XKR4: variants seen among roughly 807,000 people sequenced by gnomAD.
The protein encoded by XKR4 is XK related 4.
Under a neutral mutation model 53.9 loss-of-function variants are expected in XKR4, and 12 were observed. The observed-to-expected ratio is 0.22, with a 90% CI of 0.14 to 0.36. XKR4 has a LOEUF of 0.36. XKR4 is among the 10% of genes least tolerant of loss of function. XKR4 has a pLI of 1.00. For synonymous variants in XKR4, 354 were observed against 362.4 expected (o/e 0.98, Z 0.26); for missense variants, 799 against 859.5 (o/e 0.93, Z 0.88).
intron 1 of XKR4, among the ~76,000 whole-genome samples, chr8:55,175,010 C>A (rs1171871395): frequency 6.6e-6 from 1 of 152,142 alleles, no homozygotes; most frequent in African/African-American, 2.4e-5. Context: ...GAAAGGAATT[C>A]CACTGGTAGA....
At chr8:55,523,157 A>AT in intron 2 of XKR4, 124 bp from the exon 3 acceptor site, 1 of 853,554 alleles carries the variant, frequency 1.2e-6, no homozygotes. Flanking sequence ...AAAAAAAAAA[A>AT]AGAAATTAAG....
chr8:55,455,669 G>A (rs1185203861), intron 2 of XKR4, among the ~76,000 whole-genome samples: 4 of 152,204 alleles, frequency 2.6e-5, no homozygotes, highest in Non-Finnish European at 5.9e-5. Flanking sequence ...TACAACCACA[G>A]TAGGATTAGA....
rs559775667 is a variant in XKR4 at position 55,172,571 on chromosome 8, A to G, written c.806+69277A>G. Among the ~76,000 whole-genome samples, 13 of 152,366 alleles carry G rather than the reference A, an allele frequency of 8.5e-5. No homozygotes were observed. The South Asian group carries it at 2.3e-3, about 27-fold the overall frequency. ...TATAGTATAAAACAAAGACAGAGTG[A>G]AAAGCATTTAGAAAAAGAAGCAAAC... On this transcript the variant is annotated intron_variant, in intron 1 of 2. Transcript: ENST00000327381.
At chr8:55,211,457 G>C (rs1047301265) in intron 1 of XKR4, among the ~76,000 whole-genome samples, 26 of 152,164 alleles carry the variant, frequency 1.7e-4, no homozygotes, top group African/African-American at 6.0e-4. Flanking sequence ...AATGTCCTAC[G>C]TTAGGAAGGG....
chr8:55,401,331 A>T (rs939956831), intron 2 of XKR4, among the ~76,000 whole-genome samples: 1 of 152,206 alleles, frequency 6.6e-6, no homozygotes, highest in Non-Finnish European at 1.5e-5. Context: ...GGGAGGCATG[A>T]TGGTTATCAT....
chr8:55,185,276 A>G (rs73598852), intron 1 of XKR4, among the ~76,000 whole-genome samples: 9,016 of 152,300 alleles, frequency 0.059, 897 homozygotes, highest in African/African-American at 0.2. Flanking sequence ...TTTTTTCAGT[A>G]TTGATATGTT....
At chr8:55,262,876 C>A (rs1410041691) in intron 1 of XKR4, among the ~76,000 whole-genome samples, 1 of 152,250 alleles carries the variant, frequency 6.6e-6, no homozygotes, top group African/African-American at 2.4e-5. Flanking sequence ...ATGGATGCAC[C>A]AAAGGATTGT....
intron 2 of XKR4, among the ~76,000 whole-genome samples, chr8:55,446,951 T>G (rs1805356175): frequency 6.6e-6 from 1 of 152,040 alleles, no homozygotes; most frequent in Admixed American, 6.6e-5. Flanking sequence ...TCCCTCTTTT[T>G]AGAAAAATTG....
At chr8:55,322,454 A>G (rs898925663) in intron 1 of XKR4, among the ~76,000 whole-genome samples, 2 of 152,220 alleles carry the variant, frequency 1.3e-5, no homozygotes, top group African/African-American at 4.8e-5. Context: ...CATACATGCC[A>G]TCTCTTACAA....
intron 1 of XKR4, among the ~76,000 whole-genome samples, chr8:55,186,610 G>A (rs1010671435): frequency 1.3e-5 from 2 of 151,964 alleles, no homozygotes; most frequent in African/African-American, 2.4e-5. Flanking sequence ...GAGCCGAGAC[G>A]GTGCCACTGC....
chr8:55,458,322 G>A (rs1441725136), intron 2 of XKR4, among the ~76,000 whole-genome samples: 1 of 152,244 alleles, frequency 6.6e-6, no homozygotes, highest in Non-Finnish European at 1.5e-5. Context: ...AAGCATGCAG[G>A]TGAGCAGGTG....
intron 1 of XKR4, among the ~76,000 whole-genome samples, chr8:55,132,819 TG>T (rs988544166): frequency 2.6e-5 from 4 of 152,174 alleles, no homozygotes; most frequent in Admixed American, 1.3e-4. Flanking sequence ...CTAAAAGGAA[TG>T]GGCGTCCGAG....
At chr8:55,369,488 G>C (rs1033468568) in intron 2 of XKR4, among the ~76,000 whole-genome samples, 8 of 124,024 alleles carry the variant, frequency 6.5e-5, no homozygotes, top group Non-Finnish European at 9.7e-5. Context: ...GACAGAGAGA[G>C]AGAAAGAAAA....
intron 1 of XKR4, among the ~76,000 whole-genome samples, chr8:55,114,447 C>T (rs1323872048): frequency 6.6e-6 from 1 of 152,038 alleles, no homozygotes; most frequent in Non-Finnish European, 1.5e-5. Context: ...TTTATGTTAT[C>T]AGAAGTGTAC....
At chr8:55,434,203 T>C (rs1230893629) in intron 2 of XKR4, among the ~76,000 whole-genome samples, 1 of 152,234 alleles carries the variant, frequency 6.6e-6, no homozygotes, top group African/African-American at 2.4e-5. Flanking sequence ...ACCCAGAATG[T>C]AAATCTACAG....
At chr8:55,247,530 C>T (rs113319144) in intron 1 of XKR4, among the ~76,000 whole-genome samples, 218 of 152,202 alleles carry the variant, frequency 1.4e-3, no homozygotes, top group Non-Finnish European at 2.4e-3. Flanking sequence ...CTTATTTGAG[C>T]CCATATGACC....
intron 1 of XKR4, among the ~76,000 whole-genome samples, chr8:55,346,815 A>C (rs1046203775): frequency 1.4e-4 from 21 of 152,060 alleles, no homozygotes; most frequent in South Asian, 2.1e-4. Flanking sequence ...GATCTTCTGC[A>C]CAGATTTCAC....
chr8:55,482,174 A>G (rs1221807929), intron 2 of XKR4, among the ~76,000 whole-genome samples: 1 of 151,708 alleles, frequency 6.6e-6, no homozygotes, highest in Admixed American at 6.6e-5. Context: ...AGACTGGATT[A>G]AGAAAATGTG....
At chr8:55,484,259 A>T (rs2129401534) in intron 2 of XKR4, among the ~76,000 whole-genome samples, 1 of 152,310 alleles carries the variant, frequency 6.6e-6, no homozygotes, top group South Asian at 2.1e-4. Flanking sequence ...ATGTTTAAAT[A>T]ATTAATAGTA....
Sources: allele counts gnomAD v4.1 joint callset (sites outside exome capture counted in the v4.1 genomes callset), GRCh38; gene constraint gnomAD v4.1.1; transcripts MANE v1.5; gene names NCBI Gene and HGNC (gene_info 2026-07-23, HGNC 2026-07-21).